The following AOPEP variants were observed in gnomAD, a reference collection of about 807,000 sequenced individuals.
The protein encoded by AOPEP is aminopeptidase O (putative).
AOPEP carries 77 observed loss-of-function variants against 98.1 expected under a neutral mutation model. The ratio of observed to expected loss-of-function variants is 0.78; its 90% CI spans 0.65 to 0.95. AOPEP has a LOEUF of 0.95. AOPEP is among the 40% of genes least tolerant of loss of function. The probability of loss-of-function intolerance (pLI) is 0.00; values close to 1 mark genes in which losing one functional copy is unlikely to be tolerated. For synonymous variants in AOPEP, 346 were observed against 365.3 expected, an observed-to-expected ratio of 0.95 and a Z score of 0.60; for missense variants, 1,024 against 1,024.7, an observed-to-expected ratio of 1.00 and a Z score of 0.01.
rs150868743 is a variant in AOPEP at position 95,082,969 on chromosome 9, C to T, written c.*4+250C>T. The T allele has an allele frequency of 1.0e-4, 52 of 495,440 alleles. 1 individual carries two copies. The highest frequency in any genetic ancestry group is 6.2e-4 in the African/African-American group (32 of 51,324). The allele number at this position is 495,440 out of a possible 1,614,324, so 30.7% of individuals were successfully genotyped here. On this transcript the variant is annotated intron_variant, in intron 16 of 16. Coordinates refer to ENST00000375315, the MANE Select transcript of AOPEP (RefSeq NM_001193329.3). ...AGAGGCTGTCCACCTGGAGGCACAG[C>T]GGCACTCCTTGGCACTATTTTGGCC... is the stretch of plus-strand genomic sequence containing the variant.
At position 94,800,864 on chromosome 9, in the gene AOPEP, C is replaced by T. The variant is rs147998277; in HGVS notation, c.1226C>T (p.Thr409Met). ...PHRVFAPVCL[T>M]GACQETLLRL... Reference sequence around the variant, plus strand: ...CGGGTCTTTGCCCCTGTGTGCCTCACGGGTGCCTGCCAAGAGACCCTTCTG... The same window carrying T: ...CGGGTCTTTGCCCCTGTGTGCCTCATGGGTGCCTGCCAAGAGACCCTTCTG... The change falls in exon 5 of 17, where the codon ACG becomes ATG. Residue 409 changes from threonine to methionine, a missense_variant. Physicochemically the swap from Thr to Met is moderately conservative, Grantham distance 81 (BLOSUM62 -1). This residue lies in a region of AOPEP where 566 missense variants were observed against 551.7 expected (regional missense o/e 1.03). Coordinates refer to ENST00000375315, the MANE Select transcript of AOPEP (RefSeq NM_001193329.3). The T allele has an allele frequency of 9.0e-5, 146 of 1,614,076 alleles. No homozygotes were observed. Among genetic ancestry groups the T allele is most frequent in the South Asian group, 4.8e-4 (44 of 91,080 alleles).
chr9:95,063,450 C>T (rs2067515822), intron 14 of AOPEP, among the ~76,000 whole-genome samples: 1 of 151,978 alleles, frequency 6.6e-6, no homozygotes, highest in Non-Finnish European at 1.5e-5. Flanking sequence ...TCTCCGCAGA[C>T]TCCACTGAGC....
At chr9:94,914,061 A>G (rs1286141425) in intron 5 of AOPEP, among the ~76,000 whole-genome samples, 1 of 152,252 alleles carries the variant, frequency 6.6e-6, no homozygotes, top group African/African-American at 2.4e-5. Context: ...TAAACAAAAC[A>G]GCTTAAATCC....
At chr9:95,058,869 C>T (rs998367439) in intron 13 of AOPEP, among the ~76,000 whole-genome samples, 3 of 152,178 alleles carry the variant, frequency 2.0e-5, no homozygotes, top group Admixed American at 6.5e-5. Context: ...CAGGAAAGCA[C>T]CTCTCTCGGA....
chr9:94,837,597 G>C (rs1322690289), intron 5 of AOPEP, among the ~76,000 whole-genome samples: 1 of 152,110 alleles, frequency 6.6e-6, no homozygotes, highest in African/African-American at 2.4e-5. Flanking sequence ...ATGCAAGGAT[G>C]GTTTAACATA....
chr9:94,944,526 C>A (rs1325571818), intron 7 of AOPEP, among the ~76,000 whole-genome samples: 1 of 152,182 alleles, frequency 6.6e-6, no homozygotes, highest in Non-Finnish European at 1.5e-5. Context: ...GAACTGTCCA[C>A]AATAGGCAAA....
At chr9:94,821,360 CAT>C (rs1853087064) in intron 5 of AOPEP, among the ~76,000 whole-genome samples, 1 of 152,160 alleles carries the variant, frequency 6.6e-6, no homozygotes, top group Admixed American at 6.6e-5. Flanking sequence ...AAAGGGAAAT[CAT>C]ATTTTACCAC....
intron 5 of AOPEP, among the ~76,000 whole-genome samples, chr9:94,910,521 C>T (rs78443012): frequency 5.1e-4 from 78 of 152,330 alleles, no homozygotes; most frequent in African/African-American, 1.4e-3. Flanking sequence ...GCTGTGGGCA[C>T]GCCTCTGCCT....
At chr9:95,111,638 C>G in the AOPEP span, 3 of 1,614,134 alleles carry the variant, frequency 1.9e-6, no homozygotes, top group Non-Finnish European at 2.5e-6. Flanking sequence ...TCCGCAGGAC[C>G]TGGAACAGAG....
intron 7 of AOPEP, among the ~76,000 whole-genome samples, chr9:94,948,218 G>A (rs1318615647): frequency 1.3e-5 from 2 of 151,898 alleles, no homozygotes; most frequent in Non-Finnish European, 2.9e-5. Flanking sequence ...CATTCCTTAG[G>A]CACAGACCTA....
chr9:95,109,384 A>G, the AOPEP span, among the ~76,000 whole-genome samples: 2 of 152,064 alleles, frequency 1.3e-5, no homozygotes, highest in Admixed American at 6.5e-5. Context: ...ATGGATCTCT[A>G]TTCCCCAGGG....
chr9:94,940,002 C>T (rs1438007327), intron 7 of AOPEP, among the ~76,000 whole-genome samples: 4 of 152,204 alleles, frequency 2.6e-5, no homozygotes. Flanking sequence ...TGGGTCCCAT[C>T]CCCAAGATAT....
chr9:94,897,068 A>G (rs2049684631), intron 5 of AOPEP, among the ~76,000 whole-genome samples: 1 of 152,090 alleles, frequency 6.6e-6, no homozygotes, highest in Admixed American at 6.5e-5. Context: ...ATGTAAATAT[A>G]TATTTTTGGA....
intron 7 of AOPEP, among the ~76,000 whole-genome samples, chr9:94,951,027 G>A (rs1448903534): frequency 2.0e-5 from 3 of 152,204 alleles, no homozygotes; most frequent in African/African-American, 7.2e-5. Flanking sequence ...TGGTTGTGGT[G>A]GAAAAGGAAG....
At chr9:95,149,832 G>T in the AOPEP span, 1 of 1,415,824 alleles carries the variant, frequency 7.1e-7, no homozygotes, top group South Asian at 1.2e-5. Context: ...AAAACGTTTG[G>T]ACACTGCTGT....
chr9:94,988,493 T>C (rs1174097198), intron 11 of AOPEP, among the ~76,000 whole-genome samples: 1 of 152,126 alleles, frequency 6.6e-6, no homozygotes, highest in East Asian at 1.9e-4. Context: ...AACAGACACA[T>C]TGAAAGTATG....
intron 11 of AOPEP, among the ~76,000 whole-genome samples, chr9:95,001,181 C>A (rs117613121): frequency 6.6e-6 from 1 of 152,192 alleles, no homozygotes; most frequent in Non-Finnish European, 1.5e-5. Context: ...GGAGGAATTT[C>A]TTCTTTGTCT....
intron 6 of AOPEP, among the ~76,000 whole-genome samples, chr9:94,926,338 G>A (rs1167977615): frequency 6.6e-6 from 1 of 152,208 alleles, no homozygotes; most frequent in African/African-American, 2.4e-5. Flanking sequence ...TGTGGAGGCG[G>A]TGGCTTCTGT....
intron 13 of AOPEP, among the ~76,000 whole-genome samples, chr9:95,014,148 A>G (rs1339577294): frequency 6.6e-6 from 1 of 152,208 alleles, no homozygotes; most frequent in African/African-American, 2.4e-5. Flanking sequence ...AGCCTGAGCA[A>G]CATGGCAAAA....
Sources: gnomAD v4.1 joint callset for allele counts (sites outside exome capture counted in the v4.1 genomes callset) on GRCh38, gnomAD v4.1.1 for gene constraint, gnomAD v4.1.1 regional missense constraint, MANE v1.5 for transcripts, NCBI Gene and HGNC (gene_info 2026-07-23, HGNC 2026-07-21) for gene names.